The following ARHGEF3 variants were observed in gnomAD, a reference collection of about 807,000 sequenced individuals.
ARHGEF3 encodes the protein 59.8 kDA protein.
A neutral mutation model predicts 63.2 loss-of-function variants in ARHGEF3; 28 were observed. That is an observed-to-expected ratio of 0.44 (90% CI 0.33 to 0.61). The LOEUF is 0.61. Ranked by LOEUF, ARHGEF3 falls within the 20% of genes least tolerant of loss-of-function variation. ARHGEF3 has a pLI of 0.03. For synonymous variants in ARHGEF3, 266 were observed against 254.2 expected, an observed-to-expected ratio of 1.05 and a Z score of -0.44; for missense variants, 533 against 659.3, an observed-to-expected ratio of 0.81 and a Z score of 2.10.
In ARHGEF3 at chr3:56,967,956, TATAA is replaced by T. The variant is rs1700662029; in HGVS notation, c.63-9071_63-9068del. 7.0e-5 allele frequency among the ~76,000 whole-genome samples: 5 copies of T among 71,914 alleles called. No homozygotes were observed. In the South Asian group the frequency reaches 2.2e-3, roughly 31 times the overall value. The allele number at this position is 71,914 out of a possible 152,430, so 47.2% of individuals were successfully genotyped here. A position where few individuals can be genotyped will look rare whatever the true frequency, so the allele number is the denominator to read the frequency against. On this transcript the variant is annotated intron_variant, in intron 2 of 12. Coordinates refer to the ARHGEF3 transcript ENST00000338458. The stretch of plus-strand genomic sequence containing the variant: ...TATAAAATATATTATATATTATATA[TATAA>T]AATATATTTTATATTATAGTTTATA...
chr3:57,030,819 G>T (rs1227356385), intron 2 of ARHGEF3, among the ~76,000 whole-genome samples: 1 of 152,176 alleles, frequency 6.6e-6, no homozygotes, highest in African/African-American at 2.4e-5. Context: ...GTGTAAGTTG[G>T]CATCCAGAAA....
intron 1 of ARHGEF3, among the ~76,000 whole-genome samples, chr3:56,774,443 C>T (rs1387054198): frequency 6.6e-6 from 1 of 151,958 alleles, no homozygotes; most frequent in Admixed American, 6.5e-5. Flanking sequence ...GAGAAAAAGC[C>T]CTACCACGGA....
chr3:56,792,113 A>G (rs575872073), intron 1 of ARHGEF3, among the ~76,000 whole-genome samples: 8 of 140,060 alleles, frequency 5.7e-5, no homozygotes, highest in African/African-American at 8.9e-5. Flanking sequence ...CAAAAAAAAA[A>G]AAAAGAAAAG....
intron 2 of ARHGEF3, among the ~76,000 whole-genome samples, chr3:56,979,977 C>T (rs1331364405): frequency 6.6e-6 from 1 of 152,162 alleles, no homozygotes; most frequent in Non-Finnish European, 1.5e-5. Context: ...TCTGATCACA[C>T]ATCGACCACT....
chr3:57,064,569 C>T (rs1308802657), intron 1 of ARHGEF3, among the ~76,000 whole-genome samples: 3 of 152,150 alleles, frequency 2.0e-5, no homozygotes, highest in African/African-American at 4.8e-5. Context: ...TCCGCCTCCT[C>T]GGTGCTGGGA....
At chr3:57,009,307 C>A (rs1470615140) in intron 2 of ARHGEF3, among the ~76,000 whole-genome samples, 1 of 152,192 alleles carries the variant, frequency 6.6e-6, no homozygotes, top group East Asian at 1.9e-4. Flanking sequence ...GATCCACCAA[C>A]TTGGGGCCTA....
At chr3:56,781,155 T>C (rs1364826215) in intron 1 of ARHGEF3, among the ~76,000 whole-genome samples, 2 of 152,008 alleles carry the variant, frequency 1.3e-5, no homozygotes, top group East Asian at 3.9e-4. Flanking sequence ...ACATGAAGGA[T>C]TGCCAGCAAA....
At chr3:57,064,654 A>G (rs1705425818) in intron 1 of ARHGEF3, among the ~76,000 whole-genome samples, 1 of 152,228 alleles carries the variant, frequency 6.6e-6, no homozygotes, top group Admixed American at 6.5e-5. Flanking sequence ...GTGAACCTTG[A>G]GCACATTATG....
At chr3:56,863,049 C>T (rs973999983) in intron 4 of ARHGEF3, among the ~76,000 whole-genome samples, 1 of 152,170 alleles carries the variant, frequency 6.6e-6, no homozygotes, top group East Asian at 1.9e-4. Context: ...TTCTAACATC[C>T]AAGGAGTTAG....
chr3:57,036,373 T>C (rs1353521328), intron 1 of ARHGEF3, among the ~76,000 whole-genome samples: 1 of 152,014 alleles, frequency 6.6e-6, no homozygotes, highest in Admixed American at 6.6e-5. Flanking sequence ...GCAGGTGTGC[T>C]TAGGAGCAAC....
intron 2 of ARHGEF3, among the ~76,000 whole-genome samples, chr3:56,980,213 T>C (rs1265453117): frequency 6.6e-6 from 1 of 152,170 alleles, no homozygotes. Context: ...ATTGTGAAAA[T>C]ATAGAATTAT....
intron 2 of ARHGEF3, among the ~76,000 whole-genome samples, chr3:57,004,566 C>T (rs543348074): frequency 6.6e-6 from 1 of 152,322 alleles, no homozygotes; most frequent in South Asian, 2.1e-4. Flanking sequence ...CTACAGATCC[C>T]CTTTCAAGTA....
chr3:56,976,642 T>C (rs758618703), intron 2 of ARHGEF3, among the ~76,000 whole-genome samples: 1 of 152,226 alleles, frequency 6.6e-6, no homozygotes, highest in South Asian at 2.1e-4. Flanking sequence ...AATTCTTAAA[T>C]TAGCCAGCAT....
intron 1 of ARHGEF3, among the ~76,000 whole-genome samples, chr3:57,037,139 A>G (rs1360231074): frequency 6.6e-6 from 1 of 152,184 alleles, no homozygotes; most frequent in African/African-American, 2.4e-5. Flanking sequence ...CAGCTGAGAC[A>G]TGTGCATTAT....
chr3:56,797,691 T>C (rs1489724990), intron 1 of ARHGEF3, among the ~76,000 whole-genome samples: 6 of 152,208 alleles, frequency 3.9e-5, no homozygotes, highest in African/African-American at 1.4e-4. Flanking sequence ...AAAATGCACA[T>C]GTTGACTGAT....
chr3:56,892,375 G>A (rs1056889838), intron 3 of ARHGEF3, among the ~76,000 whole-genome samples: 6 of 152,042 alleles, frequency 3.9e-5, no homozygotes, highest in Non-Finnish European at 7.4e-5. Flanking sequence ...CTTTTACTAG[G>A]CCTTCTAAAT....
chr3:57,000,864 A>G (rs928183571), intron 2 of ARHGEF3, among the ~76,000 whole-genome samples: 2 of 152,354 alleles, frequency 1.3e-5, no homozygotes, highest in African/African-American at 4.8e-5. Flanking sequence ...TGTAAGTAAC[A>G]GAAGTGTTTC....
intron 2 of ARHGEF3, among the ~76,000 whole-genome samples, chr3:57,034,910 C>G (rs1230842622): frequency 6.6e-6 from 1 of 152,042 alleles, no homozygotes; most frequent in African/African-American, 2.4e-5. Flanking sequence ...CCTCTCTCAC[C>G]TCAGCCTTGC....
intron 3 of ARHGEF3, among the ~76,000 whole-genome samples, chr3:56,918,919 G>C (rs1645306432): frequency 6.6e-6 from 1 of 152,134 alleles, no homozygotes; most frequent in Admixed American, 6.5e-5. Context: ...AGTATATAAA[G>C]TAAAAAGTGA....
Sources: allele counts gnomAD v4.1 joint callset (sites outside exome capture counted in the v4.1 genomes callset), GRCh38; gene constraint gnomAD v4.1.1; transcripts MANE v1.5; gene names NCBI Gene and HGNC (gene_info 2026-07-23, HGNC 2026-07-21).